Variants in THOC7 observed in about 807,000 individuals in gnomAD.
THOC7 encodes NIF3L1-binding protein 1.
In THOC7, 22 loss-of-function variants were observed where a neutral mutation model predicts 33.1. That is an observed-to-expected ratio of 0.66 (90% CI 0.47 to 0.95). THOC7 has a LOEUF of 0.95. THOC7 is among the 40% of genes least tolerant of loss of function. The pLI is 0.00. For synonymous variants in THOC7, 77 were observed against 76.8 expected (o/e 1.00, Z -0.01); for missense variants, 184 against 245.3 (o/e 0.75, Z 1.67).
chr3:63,842,472 A>C (rs1701786641), intron 1 of THOC7, among the ~76,000 whole-genome samples: 1 of 152,214 alleles, frequency 6.6e-6, no homozygotes, highest in African/African-American at 2.4e-5. Flanking sequence ...TCAATGAGTG[A>C]ATAAAGAAAA....
At position 63,839,648 on chromosome 3, in the gene THOC7, T is replaced by G. The variant is rs774779546; in HGVS notation, c.137+8A>C. The G allele has an allele frequency of 6.2e-7, 1 of 1,609,100 alleles. No individual in the cohort carries two copies. The highest frequency in any genetic ancestry group is 8.5e-7 in the Non-Finnish European group (1 of 1,177,308). On this transcript the variant is annotated splice_region_variant and intron_variant, in intron 2 of 7. Transcript: ENST00000295899. ...ACTGGTATGGAAACAACAGTGAAAATGAAATACCCCTCTTCCTGGGACCCA... is the reference window on the plus strand; with the variant it reads ...ACTGGTATGGAAACAACAGTGAAAAGGAAATACCCCTCTTCCTGGGACCCA...
At chr3:63,839,843 T>C in intron 1 of THOC7, 70 bp from the exon 2 acceptor site, 1 of 1,238,426 alleles carries the variant, frequency 8.1e-7, no homozygotes, top group Non-Finnish European at 1.2e-6. Context: ...CCAGTATCAC[T>C]GTTCATTTGT....
At chr3:63,845,621 T>C (rs1701875591) in intron 1 of THOC7, among the ~76,000 whole-genome samples, 1 of 152,156 alleles carries the variant, frequency 6.6e-6, no homozygotes, top group Admixed American at 6.5e-5. Context: ...CTTTTTTTCT[T>C]ACATGTTTAG....
chr3:63,837,703 T>C (rs895838849), intron 4 of THOC7, among the ~76,000 whole-genome samples: 2 of 151,762 alleles, frequency 1.3e-5, no homozygotes, highest in African/African-American at 2.4e-5. Context: ...ATGGTAAAAA[T>C]TTAATACTTA....
chr3:63,839,658 C>G lies in THOC7; in HGVS notation c.135G>C (p.Glu45Asp). ...AAACAACAGTGAAAATGAAATACCCCTCTTCCTGGGACCCAGAGTTGCACC... is the reference window on the plus strand; with the variant it reads ...AAACAACAGTGAAAATGAAATACCCGTCTTCCTGGGACCCAGAGTTGCACC... ...IKWCNSGSQE[E>D]GYSQYQRMLS... Residue 45 changes from glutamate to aspartate, a missense_variant and splice_region_variant, in exon 2 of 8, where the codon GAG becomes GAC. Physicochemically the swap from Glu to Asp is conservative, Grantham distance 45. This residue lies in a region of THOC7 where 157 missense variants were observed against 201.3 expected (regional missense o/e 0.78). Transcript: ENST00000295899. 6.2e-7 allele frequency: 1 copy of G among 1,611,400 alleles called. No individual in the cohort carries two copies.
intron 1 of THOC7, among the ~76,000 whole-genome samples, chr3:63,856,906 G>A (rs1702126052): frequency 6.6e-6 from 1 of 152,156 alleles, no homozygotes; most frequent in Non-Finnish European, 1.5e-5. Flanking sequence ...TTTTAGTAGA[G>A]ACGGGGTTTC....
chr3:63,849,066 G>C (rs1701967690), intron 1 of THOC7, among the ~76,000 whole-genome samples: 1 of 152,194 alleles, frequency 6.6e-6, no homozygotes, highest in South Asian at 2.1e-4. Flanking sequence ...GCTCTGACAG[G>C]AATACCATAT....
chr3:63,861,313 T>C (rs959802566), intron 1 of THOC7, among the ~76,000 whole-genome samples: 5 of 152,126 alleles, frequency 3.3e-5, no homozygotes, highest in Admixed American at 6.5e-5. Flanking sequence ...TGTTGCTCCT[T>C]TGGACATCTC....
chr3:63,834,116 T>C lies in THOC7; in HGVS notation c.*16A>G. 1.2e-6 allele frequency: 2 copies of C among 1,613,620 alleles called. No individual in the cohort carries two copies. The highest frequency in any genetic ancestry group is 3.3e-4 in the Middle Eastern group (2 of 6,060). ...GCTATTTCAATATTCCTGGGAGTGG[T>C]GGGCAATTAGCCTGTCTATGGCTTA... On this transcript the variant is annotated 3_prime_UTR_variant, in exon 8 of 8. Transcript: ENST00000295899.
At chr3:63,853,049 G>A (rs1702046872) in intron 1 of THOC7, among the ~76,000 whole-genome samples, 1 of 151,912 alleles carries the variant, frequency 6.6e-6, no homozygotes, top group Non-Finnish European at 1.5e-5. Flanking sequence ...TACTCGGGAG[G>A]CTGAGACAGG....
chr3:63,838,462 G>A lies in THOC7; in HGVS notation c.175C>T (p.Gln59Ter). The change falls in exon 3 of 8, where the codon CAA becomes TAA. Residue 59 changes from glutamine to a stop codon, truncating the protein, a stop_gained. Coordinates refer to ENST00000295899, the MANE Select transcript of THOC7 (RefSeq NM_025075.4). LOFTEE classifies it high-confidence loss of function. ...GTTTTGCCCATTGAAAATTCACATTGAGACAGCGTGCTCAGCATACGTTGG... is the reference window on the plus strand; with the variant it reads ...GTTTTGCCCATTGAAAATTCACATTAAGACAGCGTGCTCAGCATACGTTGG... ...QYQRMLSTLSQCEFSMGKTLL... is the reference protein window; with the variant it reads ...QYQRMLSTLS The A allele has an allele frequency of 6.2e-7, 1 of 1,609,964 alleles. No individual in the cohort carries two copies. The highest frequency in any genetic ancestry group is 8.5e-7 in the Non-Finnish European group (1 of 1,178,820).
chr3:63,845,142 G>A (rs945192121), intron 1 of THOC7: 2 of 633,442 alleles, frequency 3.2e-6, no homozygotes, highest in Non-Finnish European at 5.7e-6. Flanking sequence ...TAGCCCTGAG[G>A]GTTAAGTCCC....
At chr3:63,857,927 A>C (rs1702143138) in intron 1 of THOC7, among the ~76,000 whole-genome samples, 1 of 152,218 alleles carries the variant, frequency 6.6e-6, no homozygotes, top group South Asian at 2.1e-4. Flanking sequence ...CTAAAGAAAC[A>C]TCATTTCATA....
chr3:63,836,473 GA>G, intron 4 of THOC7, 115 bp from the exon 5 acceptor site: 1 of 905,466 alleles, frequency 1.1e-6, no homozygotes, highest in Non-Finnish European at 1.7e-6. Context: ...ATCAAGAAAT[GA>G]AATCACTGAA....
Position 63,839,716 on chromosome 3 carries a change from C to T in THOC7, c.77G>A (p.Arg26Lys), listed in dbSNP as rs781435774. ...IDGDGAGDDR[R>K]INLLVKSFIK... ...GAAACTCTTCACTAGCAGATTAATT[C>T]TCCGATCATCTCCAGCACCATCTCC... Residue 26 changes from arginine to lysine, a missense_variant, in exon 2 of 8, where the codon AGA becomes AAA. Arg to Lys is a conservative substitution (Grantham distance 26). Transcript: ENST00000295899. The T allele has an allele frequency of 6.2e-7, 1 of 1,612,994 alleles. No homozygotes were observed. The highest frequency in any genetic ancestry group is 1.1e-5 in the South Asian group (1 of 91,018).
At chr3:63,862,300 T>C (rs987520851) in intron 1 of THOC7, among the ~76,000 whole-genome samples, 1 of 152,232 alleles carries the variant, frequency 6.6e-6, no homozygotes, top group Non-Finnish European at 1.5e-5. Flanking sequence ...TCTTCAAAAA[T>C]GGGATTAACT....
chr3:63,845,867 C>T (rs1401369941), intron 1 of THOC7, among the ~76,000 whole-genome samples: 2 of 152,088 alleles, frequency 1.3e-5, no homozygotes, highest in Non-Finnish European at 2.9e-5. Flanking sequence ...TTACAAATGG[C>T]AAAATCTTAC....
At chr3:63,854,087 G>C (rs1302227765) in intron 1 of THOC7, among the ~76,000 whole-genome samples, 1 of 152,150 alleles carries the variant, frequency 6.6e-6, no homozygotes, top group Non-Finnish European at 1.5e-5. Flanking sequence ...TACTGGGAAG[G>C]TCATGGCGTT....
chr3:63,840,349 G>T (rs1701730616), intron 1 of THOC7, among the ~76,000 whole-genome samples: 1 of 152,082 alleles, frequency 6.6e-6, no homozygotes, highest in African/African-American at 2.4e-5. Context: ...TTTAAGGCTG[G>T]GTGGGGTGGC....
Sources: gnomAD v4.1 joint callset for allele counts (sites outside exome capture counted in the v4.1 genomes callset) on GRCh38, gnomAD v4.1.1 for gene constraint, gnomAD v4.1.1 regional missense constraint, MANE v1.5 for transcripts, NCBI Gene and HGNC (gene_info 2026-07-23, HGNC 2026-07-21) for gene names.